OPCML: variants seen among roughly 807,000 people sequenced by gnomAD.
OPCML encodes opioid binding protein/cell adhesion molecule like, also known as opioid-binding protein/cell adhesion molecule.
Under a neutral mutation model 37.8 loss-of-function variants are expected in OPCML, and 13 were observed. The observed-to-expected ratio is 0.34, with a 90% CI of 0.22 to 0.55. OPCML has a LOEUF of 0.55. OPCML is among the 20% of genes least tolerant of loss of function. OPCML has a pLI of 0.91. For missense variants in OPCML, 341 were observed against 435.6 expected (o/e 0.78, Z 1.93); for synonymous variants, 176 against 168.8 (o/e 1.04, Z -0.33).
intron 1 of OPCML, among the ~76,000 whole-genome samples, chr11:133,201,575 G>A (rs575124632): frequency 2.0e-5 from 3 of 152,300 alleles, no homozygotes; most frequent in African/African-American, 7.2e-5. Context: ...ACACCAGGAA[G>A]ATGCGTTGTT....
intron 1 of OPCML, among the ~76,000 whole-genome samples, chr11:133,019,394 A>G (rs1947406760): frequency 6.6e-6 from 1 of 152,192 alleles, no homozygotes; most frequent in Admixed American, 6.5e-5. Flanking sequence ...TCCAGTGAGC[A>G]GAGAGAAGTG....
chr11:132,712,084 A>G (rs1326998256), intron 2 of OPCML, among the ~76,000 whole-genome samples: 1 of 152,168 alleles, frequency 6.6e-6, no homozygotes, highest in East Asian at 1.9e-4. Context: ...CCTGTCCCAT[A>G]GGGTGGTGGC....
chr11:132,904,078 G>T (rs1415886392), intron 2 of OPCML, among the ~76,000 whole-genome samples: 1 of 152,204 alleles, frequency 6.6e-6, no homozygotes, highest in Non-Finnish European at 1.5e-5. Flanking sequence ...CCATGGGCTG[G>T]CAAACAAAGA....
intron 2 of OPCML, among the ~76,000 whole-genome samples, chr11:132,738,393 C>A (rs1388576636): frequency 2.6e-5 from 4 of 152,226 alleles, no homozygotes; most frequent in African/African-American, 9.6e-5. Context: ...TAAATACCCT[C>A]CCTGCTTCAC....
intron 3 of OPCML, among the ~76,000 whole-genome samples, chr11:132,632,963 AC>A (rs1201419041): frequency 0.027 from 4,021 of 148,640 alleles, 156 homozygotes; most frequent in African/African-American, 0.091. Flanking sequence ...AAAAAAAAAA[AC>A]CATCCAGGAT....
intron 1 of OPCML, among the ~76,000 whole-genome samples, chr11:133,018,520 C>T (rs949159440): frequency 2.6e-5 from 4 of 152,262 alleles, no homozygotes; most frequent in South Asian, 2.1e-4. Context: ...TTCAGACGTG[C>T]CCTTTTGTAG....
At chr11:133,140,705 G>T (rs1949769553) in intron 1 of OPCML, among the ~76,000 whole-genome samples, 1 of 34,076 alleles carries the variant, frequency 2.9e-5, no homozygotes. Context: ...GGAAGAAGAA[G>T]ACGGAAGACG....
At chr11:133,105,949 T>G (rs910226010) in intron 1 of OPCML, among the ~76,000 whole-genome samples, 1 of 151,490 alleles carries the variant, frequency 6.6e-6, no homozygotes, top group African/African-American at 2.4e-5. Context: ...GCCACTGCAC[T>G]CCAGCCTGGG....
intron 2 of OPCML, among the ~76,000 whole-genome samples, chr11:132,935,094 G>A (rs533082202): frequency 1.7e-4 from 25 of 149,432 alleles, no homozygotes; most frequent in African/African-American, 5.2e-4. Flanking sequence ...AGCCAAGATC[G>A]CACCATTGCA....
intron 1 of OPCML, chr11:133,297,514 A>T (rs905917915): frequency 6.6e-6 from 1 of 152,230 alleles, no homozygotes; most frequent in African/African-American, 2.4e-5. Context: ...TGCCAAGGAA[A>T]GGAGAAAAAA....
intron 1 of OPCML, among the ~76,000 whole-genome samples, chr11:132,993,204 C>G (rs1946813640): frequency 6.6e-6 from 1 of 152,136 alleles, no homozygotes; most frequent in African/African-American, 2.4e-5. Flanking sequence ...AGGTATCTGC[C>G]CACCCGAGGT....
At chr11:132,734,146 A>T (rs567329337) in intron 2 of OPCML, among the ~76,000 whole-genome samples, 2 of 152,308 alleles carry the variant, frequency 1.3e-5, no homozygotes, top group African/African-American at 4.8e-5. Context: ...TCAGTAAATG[A>T]TAGGAAACAC....
At chr11:132,435,231 A>G in intron 7 of OPCML, 1 of 1,289,798 alleles carries the variant, frequency 7.8e-7, no homozygotes, top group Non-Finnish European at 1.0e-6. Flanking sequence ...GAGAGAAAAC[A>G]AAAGACATAG....
chr11:133,272,459 A>G (rs11223424), intron 1 of OPCML, among the ~76,000 whole-genome samples: 42 of 152,070 alleles, frequency 2.8e-4, no homozygotes, highest in African/African-American at 8.4e-4. Flanking sequence ...AGATTTTTTC[A>G]TATACAGAAC....
intron 1 of OPCML, among the ~76,000 whole-genome samples, chr11:133,226,807 A>G (rs995126295): frequency 2.6e-5 from 4 of 152,108 alleles, no homozygotes; most frequent in Non-Finnish European, 5.9e-5. Flanking sequence ...TAAACAGTCA[A>G]CATAGCCCAG....
chr11:132,717,825 T>C (rs1944545777), intron 2 of OPCML, among the ~76,000 whole-genome samples: 1 of 152,194 alleles, frequency 6.6e-6, no homozygotes, highest in Admixed American at 6.5e-5. Flanking sequence ...AAGTCTGCGA[T>C]TTTTTGAAAG....
chr11:133,058,530 C>A (rs1034750244), intron 1 of OPCML, among the ~76,000 whole-genome samples: 21 of 152,148 alleles, frequency 1.4e-4, no homozygotes, highest in Non-Finnish European at 2.6e-4. Context: ...GGGACTCTCT[C>A]CCTGTGTCCA....
intron 1 of OPCML, among the ~76,000 whole-genome samples, chr11:133,453,967 T>C (rs1946627511): frequency 6.6e-6 from 1 of 152,020 alleles, no homozygotes; most frequent in East Asian, 1.9e-4. Context: ...GTGGAAAAAA[T>C]AGAATTTCTG....
intron 3 of OPCML, among the ~76,000 whole-genome samples, chr11:132,608,417 T>G (rs1938439170): frequency 6.6e-6 from 1 of 152,212 alleles, no homozygotes; most frequent in Admixed American, 6.5e-5. Context: ...CACTGGAGGC[T>G]GTTCAAACCC....
Sources: allele counts gnomAD v4.1 joint callset (sites outside exome capture counted in the v4.1 genomes callset), GRCh38; gene constraint gnomAD v4.1.1; transcripts MANE v1.5; gene names NCBI Gene and HGNC (gene_info 2026-07-23, HGNC 2026-07-21).